FOXP1: variants seen among roughly 807,000 people sequenced by gnomAD.
FOXP1 encodes the protein forkhead box P1, also known as forkhead box protein P1.
FOXP1 carries 15 observed loss-of-function variants against 98.2 expected under a neutral mutation model. The ratio of observed to expected loss-of-function variants is 0.15; its 90% CI spans 0.10 to 0.24. The LOEUF is 0.24. FOXP1 is among the 10% of genes least tolerant of loss of function. The pLI is 1.00. For missense variants in FOXP1, 633 were observed against 848.5 expected, an observed-to-expected ratio of 0.75 and a Z score of 3.15; for synonymous variants, 371 against 314.5, an observed-to-expected ratio of 1.18 and a Z score of -1.90.
At chr3:71,487,435 C>A (rs956186308) in intron 3 of FOXP1, among the ~76,000 whole-genome samples, 1 of 152,154 alleles carries the variant, frequency 6.6e-6, no homozygotes, top group African/African-American at 2.4e-5. Context: ...ACTGGGTATA[C>A]AAAGGCAAAC....
intron 6 of FOXP1, among the ~76,000 whole-genome samples, chr3:71,196,802 A>G (rs2063329994): frequency 6.6e-6 from 1 of 152,236 alleles, no homozygotes; most frequent in Non-Finnish European, 1.5e-5. Context: ...TTTATACACA[A>G]CAAGCATCAC....
intron 5 of FOXP1, among the ~76,000 whole-genome samples, chr3:71,223,973 G>A (rs1160205837): frequency 1.3e-5 from 2 of 152,162 alleles, no homozygotes; most frequent in Non-Finnish European, 2.9e-5. Context: ...CCCTAGTATG[G>A]CAGCTGGTCA....
chr3:71,178,600 T>C (rs1011526502), intron 6 of FOXP1, among the ~76,000 whole-genome samples: 4 of 151,704 alleles, frequency 2.6e-5, no homozygotes, highest in Non-Finnish European at 5.9e-5. Context: ...AATACAAAAA[T>C]TGGCCGGGTG....
In FOXP1 at chr3:70,979,279, CAAAAAAAAAAAAAAAAAAAAAAAA is replaced by C. The variant is rs544916383; in HGVS notation, c.1147-1274_1147-1251del. Among the ~76,000 whole-genome samples the C allele has an allele frequency of 8.2e-4, 35 of 42,562 alleles. No homozygotes were observed. In the East Asian group the frequency reaches 0.038, roughly 46 times the overall value. The allele number at this position is 42,562 out of a possible 152,430, so 27.9% of individuals were successfully genotyped here. A position where few individuals can be genotyped will look rare whatever the true frequency, so the allele number is the denominator to read the frequency against. ...TGGGTGATAGAGTGAGACTCTACCT[CAAAAAAAAAAAAAAAAAAAAAAAA>C]AAAAAAAAAAAAAAAAAGAAAAAAA... On this transcript the variant is annotated intron_variant, in intron 14 of 20. Transcript: ENST00000649528.
chr3:71,222,021 C>T (rs929403911), intron 5 of FOXP1, among the ~76,000 whole-genome samples: 3 of 152,140 alleles, frequency 2.0e-5, no homozygotes, highest in Admixed American at 2.0e-4. Context: ...GGCATGGTGG[C>T]GTGCGCCAGT....
At chr3:71,058,745 G>A (rs926927545) in intron 7 of FOXP1, among the ~76,000 whole-genome samples, 4 of 152,006 alleles carry the variant, frequency 2.6e-5, no homozygotes, top group Non-Finnish European at 5.9e-5. Context: ...TACAACAGAT[G>A]TATTGGCAAA....
intron 3 of FOXP1, among the ~76,000 whole-genome samples, chr3:71,427,334 G>A (rs529130303): frequency 1.3e-5 from 2 of 152,268 alleles, no homozygotes; most frequent in East Asian, 3.9e-4. Context: ...AGAGCAAAAG[G>A]AGCAGGGACA....
intron 3 of FOXP1, among the ~76,000 whole-genome samples, chr3:71,372,304 G>A (rs2079395305): frequency 6.6e-6 from 1 of 151,942 alleles, no homozygotes; most frequent in African/African-American, 2.4e-5. Context: ...TTACAGGCGT[G>A]AGCCACTGTG....
chr3:71,020,652 C>G (rs997893283), intron 11 of FOXP1, among the ~76,000 whole-genome samples: 1 of 152,170 alleles, frequency 6.6e-6, no homozygotes, highest in African/African-American at 2.4e-5. Flanking sequence ...AAAGAGTGAC[C>G]TTGCTATCTG....
chr3:71,050,634 G>A (rs992227593), intron 9 of FOXP1, among the ~76,000 whole-genome samples: 1 of 152,192 alleles, frequency 6.6e-6, no homozygotes, highest in African/African-American at 2.4e-5. Context: ...ACCTCTTGAG[G>A]CTGTAACCAT....
At chr3:71,114,699 A>T (rs2058221537) in intron 6 of FOXP1, among the ~76,000 whole-genome samples, 1 of 152,146 alleles carries the variant, frequency 6.6e-6, no homozygotes, top group Non-Finnish European at 1.5e-5. Context: ...TCATCTGTGA[A>T]GGGAGAGACA....
intron 7 of FOXP1, among the ~76,000 whole-genome samples, chr3:71,071,338 C>T (rs1306026113): frequency 1.3e-5 from 2 of 152,140 alleles, no homozygotes; most frequent in African/African-American, 4.8e-5. Context: ...CAGACAGCTC[C>T]AAGTACTGGG....
chr3:71,159,104 C>CAAAAAAA (rs34653634), intron 6 of FOXP1, among the ~76,000 whole-genome samples: 1 of 78,004 alleles, frequency 1.3e-5, no homozygotes, highest in African/African-American at 4.6e-5. Context: ...AACCCTATCT[C>CAAAAAAA]AAAAAAAAAA....
At chr3:71,362,931 T>C (rs2078670929) in intron 3 of FOXP1, among the ~76,000 whole-genome samples, 1 of 152,218 alleles carries the variant, frequency 6.6e-6, no homozygotes, top group African/African-American at 2.4e-5. Context: ...ACTGTAAAAC[T>C]ATACTGCTGA....
chr3:71,280,615 T>C (rs113025725), intron 5 of FOXP1, among the ~76,000 whole-genome samples: 35,114 of 151,998 alleles, frequency 0.23, 4,425 homozygotes, highest in Middle Eastern at 0.31. Context: ...TGAGCCACCA[T>C]GCCCAGCCTA....
At chr3:71,428,029 G>C (rs1318791580) in intron 3 of FOXP1, among the ~76,000 whole-genome samples, 2 of 152,220 alleles carry the variant, frequency 1.3e-5, no homozygotes, top group African/African-American at 2.4e-5. Flanking sequence ...AACTGGGAGA[G>C]AGGAGGGTAA....
chr3:71,331,173 T>C (rs577978462), intron 4 of FOXP1, among the ~76,000 whole-genome samples: 6 of 152,146 alleles, frequency 3.9e-5, no homozygotes, highest in Non-Finnish European at 8.8e-5. Flanking sequence ...GCAGGGTGCT[T>C]GTGGGCCAGC....
At chr3:71,255,152 C>T (rs2107111696) in intron 5 of FOXP1, among the ~76,000 whole-genome samples, 1 of 152,328 alleles carries the variant, frequency 6.6e-6, no homozygotes, top group Admixed American at 6.5e-5. Context: ...ACCTATAGAT[C>T]ATAAGGCAAC....
intron 3 of FOXP1, among the ~76,000 whole-genome samples, chr3:71,470,604 G>T (rs535999311): frequency 1.3e-5 from 2 of 152,008 alleles, no homozygotes; most frequent in Non-Finnish European, 1.5e-5. Flanking sequence ...GCCAGACGTG[G>T]TGTGCGCTCC....
Sources: allele counts gnomAD v4.1 joint callset (sites outside exome capture counted in the v4.1 genomes callset), GRCh38; gene constraint gnomAD v4.1.1; transcripts MANE v1.5; gene names NCBI Gene and HGNC (gene_info 2026-07-23, HGNC 2026-07-21).